DYNC2H1: variants seen among roughly 807,000 people sequenced by gnomAD.
DYNC2H1 encodes the protein dynein cytoplasmic 2 heavy chain 1, also known as cytoplasmic dynein 2 heavy chain 1.
In DYNC2H1, 410 loss-of-function variants were observed where a neutral mutation model predicts 570.0. The observed-to-expected ratio is 0.72, with a 90% confidence interval of 0.66 to 0.78. DYNC2H1 has a LOEUF of 0.78. DYNC2H1 is among the 30% of genes least tolerant of loss of function. The pLI is 0.00. For synonymous variants in DYNC2H1, 1,688 were observed against 1,677.6 expected (o/e 1.01, Z -0.15); for missense variants, 4,865 against 5,046.4 (o/e 0.96, Z 1.09).
chr11:103,342,491 C>CT (rs1939508391), intron 82 of DYNC2H1, among the ~76,000 whole-genome samples: 1 of 150,586 alleles, frequency 6.6e-6, no homozygotes, highest in South Asian at 2.1e-4. Context: ...GCAGCTCACT[C>CT]TTTGAGTCTG....
chr11:103,216,071 T>C (rs922338467), intron 55 of DYNC2H1, among the ~76,000 whole-genome samples: 4 of 152,220 alleles, frequency 2.6e-5, no homozygotes, highest in East Asian at 1.9e-4. Context: ...CAGTTGACCA[T>C]GTGCAACTTA....
intron 70 of DYNC2H1, among the ~76,000 whole-genome samples, chr11:103,265,426 C>T (rs1196990537): frequency 6.6e-6 from 1 of 152,154 alleles, no homozygotes; most frequent in Non-Finnish European, 1.5e-5. Flanking sequence ...AGATTCTTTC[C>T]TCCACTTCAT....
chr11:103,405,455 G>A (rs906462338), intron 84 of DYNC2H1: 1 of 151,888 alleles, frequency 6.6e-6, no homozygotes, highest in Non-Finnish European at 1.5e-5. Flanking sequence ...GCTAAAGTGG[G>A]ATAAACAGTT....
intron 83 of DYNC2H1, among the ~76,000 whole-genome samples, chr11:103,375,396 AAAG>A (rs1254513121): frequency 6.6e-6 from 1 of 152,176 alleles, no homozygotes; most frequent in Non-Finnish European, 1.5e-5. Flanking sequence ...GGAGCTGTGA[AAAG>A]AAGGCCACCA....
At chr11:103,381,513 G>A (rs972790542) in intron 83 of DYNC2H1, among the ~76,000 whole-genome samples, 7 of 152,220 alleles carry the variant, frequency 4.6e-5, no homozygotes, top group African/African-American at 1.2e-4. Flanking sequence ...ACAGTGGCGC[G>A]ATCTCGGCTC....
intron 29 of DYNC2H1, 66 bp from the exon 30 acceptor site, chr11:103,162,962 C>CTATA: frequency 7.1e-7 from 1 of 1,406,370 alleles, no homozygotes; most frequent in Non-Finnish European, 9.8e-7. Context: ...TATTTTATGT[C>CTATA]TTATATATAT....
chr11:103,308,328 T>G (rs1867401951), intron 78 of DYNC2H1, among the ~76,000 whole-genome samples: 1 of 152,204 alleles, frequency 6.6e-6, no homozygotes, highest in African/African-American at 2.4e-5. Context: ...TTTTAGCATG[T>G]GGCAGGATTT....
chr11:103,187,726 C>A, intron 43 of DYNC2H1, 140 bp downstream of exon 43: 1 of 1,063,138 alleles, frequency 9.4e-7, no homozygotes, highest in Non-Finnish European at 1.3e-6. Flanking sequence ...TGAAACACTT[C>A]AGTCTTGTTC....
rs1251777724 is a variant in DYNC2H1, at chr11:103,243,627, CTA to C, written c.9820-64_9820-63del. ...TAATTGATTTATAATTTCTAGAAAA[CTA>C]TTTCCATTTAAATGAAAGCTTATAA... On this transcript the variant is annotated intron_variant, in intron 63 of 88. Transcript: ENST00000375735. The surrounding 1 kb of genome is among the most constrained non-coding windows in gnomAD (Gnocchi z 4.8). 17 of 1,192,536 alleles carry C rather than the reference CTA, an allele frequency of 1.4e-5. No homozygotes were observed. The South Asian group carries it at 2.3e-4, about 16-fold the overall frequency. 73.9% of individuals were successfully genotyped at this position (1,192,536 alleles called of 1,614,324 possible).
chr11:103,125,012 G>A (rs2134733262), intron 11 of DYNC2H1, 88 bp from the exon 12 acceptor site: 1 of 967,596 alleles, frequency 1.0e-6, no homozygotes, highest in South Asian at 1.8e-5. Flanking sequence ...AATATTAGAT[G>A]TACAGAAAAG....
At position 103,326,755 on chromosome 11, in the gene DYNC2H1, G is replaced by T. The variant is rs570466621; in HGVS notation, c.12039+2765G>T. Among the ~76,000 whole-genome samples, 4 of 152,324 alleles carry T rather than the reference G, an allele frequency of 2.6e-5. No homozygotes were observed. In the East Asian group the frequency reaches 7.7e-4, roughly 29 times the overall value. On this transcript the variant is annotated intron_variant, in intron 82 of 88. Coordinates refer to ENST00000375735, the MANE Select transcript of DYNC2H1 (RefSeq NM_001377.3). The surrounding 1 kb of genome is among the most constrained non-coding windows in gnomAD (Gnocchi z 6.1). ...CAGTGGGAAGGCCTGCAGAACAGAT[G>T]TGCCCCAATCCTGTGGGGGAAGCCA... is the stretch of plus-strand genomic sequence containing the variant.
rs190750956 is a variant in DYNC2H1 at position 103,268,217 on chromosome 11, G to T, written c.10695+8240G>T. On this transcript the variant is annotated intron_variant, in intron 70 of 88. Coordinates refer to ENST00000375735, the MANE Select transcript of DYNC2H1 (RefSeq NM_001377.3). The surrounding 1 kb of genome is among the most constrained non-coding windows in gnomAD (Gnocchi z 4.6). ...TATCTCTACCCACATAATAATAAAG[G>T]TATATCTTTATCTCCTTTGTTGCAC... 6.6e-6 allele frequency among the ~76,000 whole-genome samples: 1 copy of T among 151,924 alleles called. No homozygotes were observed. Among genetic ancestry groups the T allele is most frequent in the East Asian group, 1.9e-4 (1 of 5,180 alleles).
At chr11:103,135,136 G>C (rs1859472290) in intron 15 of DYNC2H1, among the ~76,000 whole-genome samples, 2 of 152,006 alleles carry the variant, frequency 1.3e-5, no homozygotes, top group African/African-American at 4.8e-5. Context: ...GGGAAGAGAA[G>C]AGCTATACTT....
At chr11:103,393,738 G>A (rs1253048341) in intron 83 of DYNC2H1, among the ~76,000 whole-genome samples, 3 of 152,136 alleles carry the variant, frequency 2.0e-5, no homozygotes, top group African/African-American at 7.2e-5. Flanking sequence ...CCGGGACTGG[G>A]CAATTTATAA....
At chr11:103,469,845 G>C (rs1591804742) in intron 88 of DYNC2H1, among the ~76,000 whole-genome samples, 1 of 152,088 alleles carries the variant, frequency 6.6e-6, no homozygotes, top group Non-Finnish European at 1.5e-5. Flanking sequence ...TCTTAGCTGT[G>C]TAAATCAAAT....
Position 103,165,911 on chromosome 11 carries a change from C to T in DYNC2H1, c.4625C>T (p.Ala1542Val), listed in dbSNP as rs1043384862. 1.1e-5 allele frequency: 16 copies of T among 1,493,402 alleles called. No homozygotes were observed. Among genetic ancestry groups the T allele is most frequent in the South Asian group, 2.8e-5 (2 of 70,182 alleles). The allele number at this position is 1,493,402 out of a possible 1,614,324, so 92.5% of individuals were successfully genotyped here. A position where few individuals can be genotyped will look rare whatever the true frequency, so the allele number is the denominator to read the frequency against. ...TTTATTCAATAGATTTTATGCTTGG[C>T]GGAGCAGATTAAATTCACTGAAGAT... ...SLFPSQILCLAEQIKFTEDVE... is the reference protein window; with the variant it reads ...SLFPSQILCLVEQIKFTEDVE... Residue 1542 changes from alanine to valine, a missense_variant, in exon 31 of 89, where the codon GCG becomes GTG. Physicochemically the swap from Ala to Val is moderately conservative, Grantham distance 64 (BLOSUM62 0). This residue lies in a region of DYNC2H1 where 1,936 missense variants were observed against 1,962.1 expected (regional missense o/e 0.99). Coordinates refer to ENST00000375735, the MANE Select transcript of DYNC2H1 (RefSeq NM_001377.3).
At chr11:103,386,347 A>C (rs1220851172) in intron 83 of DYNC2H1, among the ~76,000 whole-genome samples, 3 of 152,070 alleles carry the variant, frequency 2.0e-5, no homozygotes, top group Non-Finnish European at 4.4e-5. Flanking sequence ...GAGTCTCTAC[A>C]GTAGCTGTTG....
Position 103,199,362 on chromosome 11 carries a change from T to G in DYNC2H1, c.7974T>G (p.Gly2658=), listed in dbSNP as rs1232842353. The change falls in exon 49 of 89, where the codon GGT becomes GGG. Residue 2658 remains glycine (G), a synonymous_variant. Transcript: ENST00000375735. The surrounding 1 kb of genome is among the most constrained non-coding windows in gnomAD (Gnocchi z 4.6). ...GGSLLLAGRS[G]VGRRTITSLV... ...CACTTCTATTAGCAGGACGCAGTGG[T>G]GTAGGTCGTCGGACCATCACTTCTT... The G allele has an allele frequency of 6.2e-7, 1 of 1,612,514 alleles. No homozygotes were observed.
In DYNC2H1 at chr11:103,256,001, C is replaced by T. The variant is rs1286289294; in HGVS notation, c.10327-105C>T. The T allele has an allele frequency of 8.2e-6, 8 of 977,924 alleles. No individual in the cohort carries two copies. Among genetic ancestry groups the T allele is most frequent in the Non-Finnish European group, 5.7e-6 (4 of 695,696 alleles). The allele number at this position is 977,924 out of a possible 1,614,324, so 60.6% of individuals were successfully genotyped here. On this transcript the variant is annotated intron_variant, in intron 67 of 88. Transcript: ENST00000375735. The surrounding 1 kb of genome is among the most constrained non-coding windows in gnomAD (Gnocchi z 4.0). The stretch of plus-strand genomic sequence containing the variant: ...AAATGTTGAAATTCTTCTAAAATAA[C>T]ATAAGTTGCCATAAACATCAAATGA...
Sources: allele counts gnomAD v4.1 joint callset (sites outside exome capture counted in the v4.1 genomes callset), GRCh38; gene constraint gnomAD v4.1.1; regional missense constraint gnomAD v4.1.1; non-coding constraint Gnocchi (gnomAD v3.1); transcripts MANE v1.5; gene names NCBI Gene and HGNC (gene_info 2026-07-23, HGNC 2026-07-21).